SLC9C2: variants seen among roughly 807,000 people sequenced by gnomAD.
The protein encoded by SLC9C2 is sodium/hydrogen exchanger 11.
SLC9C2 carries 75 observed loss-of-function variants against 140.2 expected under a neutral mutation model. The ratio of observed to expected loss-of-function variants is 0.53; its 90% CI spans 0.44 to 0.65. The LOEUF (loss-of-function observed/expected upper bound fraction) is 0.65, where lower values mean the gene tolerates loss of function less well. Ranked by LOEUF, SLC9C2 falls within the 30% of genes least tolerant of loss-of-function variation. The pLI is 0.00. For missense variants in SLC9C2, 1,074 were observed against 1,331.8 expected, an observed-to-expected ratio of 0.81 and a Z score of 3.01; for synonymous variants, 375 against 420.9, an observed-to-expected ratio of 0.89 and a Z score of 1.34.
chr1:173,543,213 A>AATAG (rs1247690017), intron 13 of SLC9C2, among the ~76,000 whole-genome samples: 1 of 123,546 alleles, frequency 8.1e-6, no homozygotes, highest in Non-Finnish European at 1.6e-5. Context: ...ATACACTAAT[A>AATAG]ACAGACAGAG....
At chr1:173,553,244 T>A (rs978596386) in intron 11 of SLC9C2, among the ~76,000 whole-genome samples, 1 of 152,240 alleles carries the variant, frequency 6.6e-6, no homozygotes, top group South Asian at 2.1e-4. Context: ...TGATATGGCA[T>A]CTACTCCTGG....
chr1:173,574,988 T>C (rs1244432205), intron 8 of SLC9C2, among the ~76,000 whole-genome samples: 3 of 151,898 alleles, frequency 2.0e-5, no homozygotes, highest in African/African-American at 7.3e-5. Flanking sequence ...GGTATCCTGG[T>C]GCATGCCTGT....
intron 23 of SLC9C2, among the ~76,000 whole-genome samples, chr1:173,513,505 T>G (rs1208749848): frequency 6.6e-6 from 1 of 152,172 alleles, no homozygotes; most frequent in African/African-American, 2.4e-5. Flanking sequence ...AGTGGTGATA[T>G]CCCCTTTATC....
At chr1:173,524,472 C>T (rs1661057125) in intron 20 of SLC9C2, among the ~76,000 whole-genome samples, 1 of 152,182 alleles carries the variant, frequency 6.6e-6, no homozygotes, top group Non-Finnish European at 1.5e-5. Context: ...TTCCTTAGGC[C>T]TTGTCACATA....
At chr1:173,565,655 T>C (rs1664423013) in intron 9 of SLC9C2, among the ~76,000 whole-genome samples, 1 of 152,188 alleles carries the variant, frequency 6.6e-6, no homozygotes, top group African/African-American at 2.4e-5. Flanking sequence ...TCCTCCACTT[T>C]TGTTTTTTTT....
At chr1:173,547,870 C>T in intron 12 of SLC9C2, 86 bp from the exon 13 acceptor site, 1 of 908,714 alleles carries the variant, frequency 1.1e-6, no homozygotes, top group Non-Finnish European at 1.7e-6. Flanking sequence ...AAATACTACT[C>T]TCAACAAAGA....
chr1:173,539,628 T>C (rs1250115103), intron 13 of SLC9C2, among the ~76,000 whole-genome samples: 2 of 152,164 alleles, frequency 1.3e-5, no homozygotes, highest in African/African-American at 4.8e-5. Context: ...CATCTATGCA[T>C]AGTGTTAAAA....
At chr1:173,525,285 C>A (rs528077369) in intron 19 of SLC9C2, among the ~76,000 whole-genome samples, 3 of 152,156 alleles carry the variant, frequency 2.0e-5, no homozygotes, top group Non-Finnish European at 4.4e-5. Flanking sequence ...ATAAATGACA[C>A]AATGAAAGTA....
rs538858899 is a variant in SLC9C2 at position 173,523,723 on chromosome 1, T to G, written c.2640+246A>C. 7.2e-5 allele frequency among the ~76,000 whole-genome samples: 11 copies of G among 152,288 alleles called. 1 individual carries two copies. In the South Asian group the frequency reaches 2.3e-3, roughly 32 times the overall value. ...CAGAACTCTACAACATAAAATAGAATGGGATTGGTAATAGTCAGACACATA... is the reference window on the plus strand; with the variant it reads ...CAGAACTCTACAACATAAAATAGAAGGGGATTGGTAATAGTCAGACACATA... On this transcript the variant is annotated intron_variant, in intron 21 of 27. Coordinates refer to ENST00000367714, the MANE Select transcript of SLC9C2 (RefSeq NM_178527.4).
intron 15 of SLC9C2, among the ~76,000 whole-genome samples, chr1:173,535,326 C>T (rs1489709910): frequency 1.3e-5 from 2 of 152,106 alleles, no homozygotes; most frequent in African/African-American, 4.8e-5. Flanking sequence ...TATGTAAGCT[C>T]ACAATTTATA....
chr1:173,599,606 T>C (rs1188233517), intron 3 of SLC9C2, among the ~76,000 whole-genome samples: 1 of 151,388 alleles, frequency 6.6e-6, no homozygotes, highest in African/African-American at 2.4e-5. Flanking sequence ...TTCCTTGCTT[T>C]CTTTCCTTCT....
intron 7 of SLC9C2, among the ~76,000 whole-genome samples, chr1:173,579,280 T>G (rs573533506): frequency 6.6e-6 from 1 of 152,362 alleles, no homozygotes; most frequent in African/African-American, 2.4e-5. Flanking sequence ...AGAGACCTGG[T>G]ACCTGCTCAG....
At chr1:173,522,234 A>G (rs1660880592) in intron 21 of SLC9C2, among the ~76,000 whole-genome samples, 1 of 142,222 alleles carries the variant, frequency 7.0e-6, no homozygotes, top group Admixed American at 7.1e-5. Context: ...AAAAAAAAAA[A>G]TGCAGAAAAG....
rs181219684 is a variant in SLC9C2 at position 173,536,075 on chromosome 1, T to C, written c.1656-126A>G. On this transcript the variant is annotated intron_variant, in intron 14 of 27. Coordinates refer to ENST00000367714, the MANE Select transcript of SLC9C2 (RefSeq NM_178527.4). ...GACCCACCAAATAAGCTCAGTCTCA[T>C]GCCTCTGCATCCATCCACCTATCCA... is the stretch of plus-strand genomic sequence containing the variant. 4.0e-6 allele frequency: 3 copies of C among 755,900 alleles called. No homozygotes were observed. The Admixed American group carries it at 1.2e-4, about 31-fold the overall frequency. 46.8% of individuals were successfully genotyped at this position (755,900 alleles called of 1,614,324 possible). A position where few individuals can be genotyped will look rare whatever the true frequency, so the allele number is the denominator to read the frequency against.
chr1:173,526,463 C>T (rs1183484050), intron 19 of SLC9C2, among the ~76,000 whole-genome samples, 200 bp downstream of exon 19: 2 of 152,184 alleles, frequency 1.3e-5, no homozygotes, highest in East Asian at 1.9e-4. Flanking sequence ...TCATACACTC[C>T]ACAAGATTCT....
chr1:173,542,475 T>C (rs1006277112), intron 13 of SLC9C2, among the ~76,000 whole-genome samples: 1 of 152,012 alleles, frequency 6.6e-6, no homozygotes, highest in Non-Finnish European at 1.5e-5. Context: ...TTCCAATCAA[T>C]AGAAAAAGAG....
At chr1:173,503,118 T>C in intron 27 of SLC9C2, 148 bp downstream of exon 27, 2 of 559,176 alleles carry the variant, frequency 3.6e-6, no homozygotes, top group Non-Finnish European at 6.1e-6. Context: ...AAATGGGGTT[T>C]ATTCTAATTT....
chr1:173,550,432 A>ATTT (rs1294841800), intron 11 of SLC9C2, among the ~76,000 whole-genome samples: 15 of 121,720 alleles, frequency 1.2e-4, no homozygotes, highest in African/African-American at 6.0e-4. Context: ...TTATTTATTT[A>ATTT]TTTATTTATT....
At chr1:173,585,339 G>A (rs996014424) in intron 5 of SLC9C2, among the ~76,000 whole-genome samples, 14 of 152,056 alleles carry the variant, frequency 9.2e-5, no homozygotes. Flanking sequence ...TTGTAGTTCT[G>A]TATATTATAA....
Sources: gnomAD v4.1 joint callset for allele counts (sites outside exome capture counted in the v4.1 genomes callset) on GRCh38, gnomAD v4.1.1 for gene constraint, MANE v1.5 for transcripts, NCBI Gene and HGNC (gene_info 2026-07-23, HGNC 2026-07-21) for gene names.